PAQR8: variants seen among roughly 807,000 people sequenced by gnomAD.
PAQR8 encodes progestin and adipoQ receptor family member 8, also known as membrane progestin receptor beta.
A neutral mutation model predicts 25.2 loss-of-function variants in PAQR8; 17 were observed. The ratio of observed to expected loss-of-function variants is 0.67; its 90% CI spans 0.46 to 1.01. PAQR8 has a LOEUF of 1.01. Ranked by LOEUF, PAQR8 falls within the 50% of genes least tolerant of loss-of-function variation. PAQR8 has a pLI of 0.00. For missense variants in PAQR8, 392 were observed against 448.4 expected (o/e 0.87, Z 1.14); for synonymous variants, 204 against 190.6 (o/e 1.07, Z -0.58).
intron 1 of PAQR8, among the ~76,000 whole-genome samples, chr6:52,390,213 T>C (rs1763684746): frequency 6.6e-6 from 1 of 152,256 alleles, no homozygotes; most frequent in Non-Finnish European, 1.5e-5. Flanking sequence ...GGCAGATGCA[T>C]TCTCTGTCTG....
chr6:52,396,605 G>T (rs1210977986), intron 1 of PAQR8, among the ~76,000 whole-genome samples: 2 of 152,174 alleles, frequency 1.3e-5, no homozygotes, highest in African/African-American at 4.8e-5. Flanking sequence ...GAGGGTTGGG[G>T]ATGTGAGTTA....
intron 1 of PAQR8, among the ~76,000 whole-genome samples, chr6:52,380,111 A>G (rs979529992): frequency 2.0e-5 from 3 of 152,226 alleles, no homozygotes; most frequent in Middle Eastern, 3.2e-3. Flanking sequence ...TCACAAGGTG[A>G]TAAGTAGTAC....
chr6:52,386,018 A>G (rs577778564), intron 1 of PAQR8, among the ~76,000 whole-genome samples: 64 of 152,334 alleles, frequency 4.2e-4, no homozygotes, highest in African/African-American at 1.3e-3. Flanking sequence ...AAACAACTCA[A>G]TTAAAAAGTG....
At chr6:52,376,583 G>A (rs1763487486) in intron 1 of PAQR8, among the ~76,000 whole-genome samples, 1 of 152,140 alleles carries the variant, frequency 6.6e-6, no homozygotes, top group South Asian at 2.1e-4. Context: ...ATATAGGTTA[G>A]ACAAAATATT....
chr6:52,389,881 C>T (rs960044747), intron 1 of PAQR8, among the ~76,000 whole-genome samples: 4 of 152,206 alleles, frequency 2.6e-5, no homozygotes, highest in African/African-American at 9.7e-5. Flanking sequence ...GTTTGCAGAT[C>T]AGTGATGAAG....
At chr6:52,372,548 G>T (rs920456734) in intron 1 of PAQR8, among the ~76,000 whole-genome samples, 1 of 152,068 alleles carries the variant, frequency 6.6e-6, no homozygotes, top group East Asian at 1.9e-4. Flanking sequence ...ATCTACAACA[G>T]ATTACATTTA....
intron 1 of PAQR8, among the ~76,000 whole-genome samples, chr6:52,378,677 G>A (rs1440046273): frequency 6.6e-6 from 1 of 152,084 alleles, no homozygotes; most frequent in African/African-American, 2.4e-5. Flanking sequence ...TGAAATCCCA[G>A]CTACTTGGGA....
chr6:52,387,781 G>A (rs9463784), intron 1 of PAQR8, among the ~76,000 whole-genome samples: 6,316 of 152,308 alleles, frequency 0.041, 224 homozygotes, highest in East Asian at 0.15. Flanking sequence ...ATCAGTGGGC[G>A]AGTAAGCAAA....
In PAQR8 at chr6:52,406,093, T is replaced by C. The variant is rs1299093252; in HGVS notation, c.*1815T>C. 1.2e-5 allele frequency: 2 copies of C among 171,580 alleles called. No homozygotes were observed. Among genetic ancestry groups the C allele is most frequent in the African/African-American group, 4.8e-5 (2 of 41,692 alleles). The allele number at this position is 171,580 out of a possible 1,614,324, so 10.6% of individuals were successfully genotyped here. A position where few individuals can be genotyped will look rare whatever the true frequency, so the allele number is the denominator to read the frequency against. ...GAACTTCTGTGTTACCCAAGTGTCT[T>C]ATACAAGCTTCTGGTGTCTAGGACA... On this transcript the variant is annotated 3_prime_UTR_variant, in exon 2 of 2. Coordinates refer to ENST00000442253, the MANE Select transcript of PAQR8 (RefSeq NM_133367.5).
At chr6:52,397,868 A>C (rs1386349705) in intron 1 of PAQR8, among the ~76,000 whole-genome samples, 1 of 152,126 alleles carries the variant, frequency 6.6e-6, no homozygotes, top group Non-Finnish European at 1.5e-5. Context: ...GAAGGCTGGG[A>C]GGCTTCAACA....
chr6:52,404,157 A>G lies in PAQR8; in HGVS notation c.944A>G (p.His315Arg). 1 of 1,614,174 alleles carries G rather than the reference A, an allele frequency of 6.2e-7. No homozygotes were observed. Among genetic ancestry groups the G allele is most frequent in the Non-Finnish European group, 8.5e-7 (1 of 1,180,016 alleles). The change falls in exon 2 of 2, where the codon CAT becomes CGT. Residue 315 changes from histidine to arginine, a missense_variant. His to Arg is a conservative substitution (Grantham distance 29). Transcript: ENST00000442253. ...CGGCAGGAGATCTTCCTGCAGCGCC[A>G]TGGACCCCTATCTGTCCACATGGCC... ...QGRQEIFLQR[H>R]GPLSVHMACL...
Position 52,404,096 on chromosome 6 carries a change from T to C in PAQR8, c.883T>C (p.Ser295Pro). The change falls in exon 2 of 2, where the codon TCC becomes CCC. Residue 295 changes from serine to proline, a missense_variant. By Grantham distance (74) the Ser-to-Pro change is moderately conservative. Transcript: ENST00000442253. The part of the protein sequence containing the change: ...FHAFLSICTL[S>P]QLEAILLDYQ... The stretch of plus-strand genomic sequence containing the variant: ...TGCATTTCTGTCCATCTGTACGCTC[T>C]CCCAGCTGGAGGCCATCCTCCTGGA... 2 of 1,614,240 alleles carry C rather than the reference T, an allele frequency of 1.2e-6. No homozygotes were observed. Among genetic ancestry groups the C allele is most frequent in the Non-Finnish European group, 1.7e-6 (2 of 1,180,026 alleles).
At chr6:52,368,765 AT>A (rs533945260) in intron 1 of PAQR8, among the ~76,000 whole-genome samples, 273 of 151,890 alleles carry the variant, frequency 1.8e-3, no homozygotes, top group Non-Finnish European at 2.9e-3. Flanking sequence ...AAATATACTG[AT>A]TTTTTTTTAA....
chr6:52,365,050 C>T (rs78454814), intron 1 of PAQR8, among the ~76,000 whole-genome samples: 5,287 of 152,176 alleles, frequency 0.035, 137 homozygotes, highest in Non-Finnish European at 0.058. Flanking sequence ...CTTTGCCCCT[C>T]CTGATACTTG....
intron 1 of PAQR8, among the ~76,000 whole-genome samples, chr6:52,379,862 C>T (rs907886101): frequency 2.6e-5 from 4 of 152,086 alleles, no homozygotes; most frequent in Non-Finnish European, 5.9e-5. Context: ...CTGCTGACCT[C>T]GTGATCCGCC....
intron 1 of PAQR8, among the ~76,000 whole-genome samples, chr6:52,401,117 G>A (rs1441987154): frequency 6.6e-6 from 1 of 152,128 alleles, no homozygotes; most frequent in Admixed American, 6.5e-5. Flanking sequence ...TTGACTCCAG[G>A]TCTCCCTGAA....
intron 1 of PAQR8, among the ~76,000 whole-genome samples, chr6:52,365,410 C>T (rs1049033296): frequency 5.3e-5 from 8 of 151,866 alleles, no homozygotes; most frequent in Non-Finnish European, 1.2e-4. Flanking sequence ...GTTGTTTCAT[C>T]TCTTTTGGCC....
At chr6:52,369,913 C>G in intron 1 of PAQR8, among the ~76,000 whole-genome samples, 1 of 152,112 alleles carries the variant, frequency 6.6e-6, no homozygotes, top group South Asian at 2.1e-4. Context: ...GGCTAATACT[C>G]AATTGCCTGC....
chr6:52,366,806 A>G (rs900089870), intron 1 of PAQR8, among the ~76,000 whole-genome samples: 1 of 151,866 alleles, frequency 6.6e-6, no homozygotes, highest in Non-Finnish European at 1.5e-5. Flanking sequence ...CTGGAGTGCA[A>G]TGGCGCAATC....
Sources: allele counts gnomAD v4.1 joint callset (sites outside exome capture counted in the v4.1 genomes callset), GRCh38; gene constraint gnomAD v4.1.1; transcripts MANE v1.5; gene names NCBI Gene and HGNC (gene_info 2026-07-23, HGNC 2026-07-21).